The following INTS1 variants were observed in gnomAD, a reference collection of about 807,000 sequenced individuals.
INTS1 encodes the protein integrator complex subunit 1.
In INTS1, 137 loss-of-function variants were observed where a neutral mutation model predicts 241.6. The ratio of observed to expected loss-of-function variants is 0.57; its 90% CI spans 0.49 to 0.65. INTS1 has a LOEUF of 0.65. Among genes scored for constraint, INTS1 ranks in the 30% least tolerant of loss-of-function variants. INTS1 has a pLI of 0.00. For missense variants in INTS1, 3,073 were observed against 3,032.2 expected (o/e 1.01, Z -0.32); for synonymous variants, 1,692 against 1,337.8 (o/e 1.26, Z -5.78).
intron 45 of INTS1, 59 bp from the exon 46 acceptor site, chr7:1,471,283 C>T (rs1296371978): frequency 6.7e-7 from 1 of 1,497,774 alleles, no homozygotes; most frequent in Non-Finnish European, 9.1e-7. Context: ...ATCAAGGCCC[C>T]TTCACCTCTT....
intron 22 of INTS1, among the ~76,000 whole-genome samples, chr7:1,486,096 T>A (rs1782252478): frequency 6.6e-6 from 1 of 150,582 alleles, no homozygotes; most frequent in South Asian, 2.1e-4. Flanking sequence ...CTACCACACC[T>A]GGCTAATTTT....
intron 45 of INTS1, 133 bp downstream of exon 45, chr7:1,471,438 C>G: frequency 9.2e-7 from 1 of 1,090,568 alleles, no homozygotes; most frequent in Non-Finnish European, 1.3e-6. Flanking sequence ...TGGGCTGGGG[C>G]CCCCACCCGA....
intron 13 of INTS1, among the ~76,000 whole-genome samples, chr7:1,495,156 T>C (rs1782783196): frequency 1.3e-5 from 2 of 152,090 alleles, no homozygotes; most frequent in African/African-American, 4.8e-5. Flanking sequence ...AGCCCCAGCC[T>C]GGCAGCCCCA....
At chr7:1,488,117 G>C (rs993823540) in intron 18 of INTS1, among the ~76,000 whole-genome samples, 160 bp from the exon 19 acceptor site, 1 of 152,190 alleles carries the variant, frequency 6.6e-6, no homozygotes, top group South Asian at 2.1e-4. Flanking sequence ...CCATGGGGCT[G>C]TCAGAGCTGA....
intron 22 of INTS1, among the ~76,000 whole-genome samples, chr7:1,485,692 G>A (rs920900206): frequency 6.6e-6 from 1 of 152,258 alleles, no homozygotes; most frequent in African/African-American, 2.4e-5. Flanking sequence ...CCCGTCACCA[G>A]CAAGAAAGGA....
intron 26 of INTS1, chr7:1,482,931 T>G (rs1385149464): frequency 1.8e-6 from 1 of 569,668 alleles, no homozygotes; most frequent in Admixed American, 3.2e-5. Flanking sequence ...GCAGCATCAC[T>G]GCCATTTTGT....
intron 33 of INTS1, 82 bp from the exon 34 acceptor site, chr7:1,478,018 G>T (rs1471229602): frequency 7.8e-6 from 9 of 1,156,178 alleles, no homozygotes; most frequent in Admixed American, 1.8e-5. Context: ...GCCAGGGTGG[G>T]GTGTGGGGTG....
Position 1,485,355 on chromosome 7 carries a change from G to A in INTS1, c.3091C>T (p.Arg1031Trp), listed in dbSNP as rs765667210. 79 of 1,611,678 alleles carry A rather than the reference G, an allele frequency of 4.9e-5. No homozygotes were observed. The highest frequency in any genetic ancestry group is 6.4e-5 in the Non-Finnish European group (76 of 1,179,776). The change falls in exon 23 of 48, where the codon CGG (arginine) becomes TGG (tryptophan). Residue 1031 changes from arginine to tryptophan, a missense_variant. Arg to Trp is a moderately radical substitution (Grantham distance 101). Transcript: ENST00000404767. ...DVLQGYQWLL[R>W]DLPRLPLFDS... is the part of the protein sequence containing the mutation. ...AACAGAGGCAGGCGAGGCAGGTCCC[G>A]CAGCAGCCACTGATAGCCCTGCAGC...
Position 1,479,704 on chromosome 7 carries a change from T to G in INTS1, c.4075-20A>C. ...GAAAATCTGGAACGGGGAAGGCCAG[T>G]GTCAGGAGGAAGCGGAGGAGAAGGA... On this transcript the variant is annotated intron_variant, in intron 30 of 47. Coordinates refer to ENST00000404767, the MANE Select transcript of INTS1 (RefSeq NM_001080453.3). 1 of 1,453,260 alleles carries G rather than the reference T, an allele frequency of 6.9e-7. No homozygotes were observed. The highest frequency in any genetic ancestry group is 1.4e-5 in the South Asian group (1 of 69,686). The allele number at this position is 1,453,260 out of a possible 1,614,324, so 90.0% of individuals were successfully genotyped here.
intron 19 of INTS1, 93 bp downstream of exon 19, chr7:1,487,667 G>A: frequency 1.3e-6 from 2 of 1,489,990 alleles, no homozygotes; most frequent in Admixed American, 1.7e-5. Context: ...AGTGCGGTCG[G>A]CTCCGCCTGC....
intron 16 of INTS1, among the ~76,000 whole-genome samples, chr7:1,492,648 A>C (rs1782618122): frequency 6.6e-6 from 1 of 152,232 alleles, no homozygotes; most frequent in Non-Finnish European, 1.5e-5. Context: ...TAACGCACAC[A>C]CGTTAAACAC....
chr7:1,492,575 G>A (rs938998723), intron 16 of INTS1, among the ~76,000 whole-genome samples: 1 of 152,170 alleles, frequency 6.6e-6, no homozygotes, highest in Admixed American at 6.5e-5. Context: ...TAGATAACAC[G>A]TACATGAATT....
intron 22 of INTS1, among the ~76,000 whole-genome samples, chr7:1,485,953 C>T (rs554632192): frequency 6.6e-6 from 1 of 152,284 alleles, no homozygotes; most frequent in South Asian, 2.1e-4. Context: ...GCTGCCACAC[C>T]CAGCTCATTT....
At chr7:1,486,874 G>C (rs1160490175) in intron 21 of INTS1, 48 bp downstream of exon 21, 1 of 1,589,236 alleles carries the variant, frequency 6.3e-7, no homozygotes, top group Non-Finnish European at 8.5e-7. Context: ...TGCCCTGACA[G>C]GGGTGCGGGG....
intron 16 of INTS1, among the ~76,000 whole-genome samples, chr7:1,492,365 AT>A (rs1782598455): frequency 6.6e-6 from 1 of 152,118 alleles, no homozygotes; most frequent in Non-Finnish European, 1.5e-5. Context: ...GTAGGATGCC[AT>A]TTACAGAAAA....
Position 1,493,925 on chromosome 7 carries a change from G to T in INTS1, c.1911-14C>A. 1.3e-6 allele frequency: 2 copies of T among 1,552,352 alleles called. No homozygotes were observed. The highest frequency in any genetic ancestry group is 1.7e-6 in the Non-Finnish European group (2 of 1,147,548). The stretch of plus-strand genomic sequence containing the variant: ...CGCAGGAAGAAGCTGCGGGGTGGGG[G>T]AGGCATGACTCGGTGTGGGCTGCCC... On this transcript the variant is annotated splice_polypyrimidine_tract_variant and intron_variant, in intron 14 of 47. Transcript: ENST00000404767. The surrounding 1 kb of genome is among the most constrained non-coding windows in gnomAD (Gnocchi z 5.3).
chr7:1,477,628 G>T lies in INTS1; in HGVS notation c.4860C>A (p.Asp1620Glu). 6.3e-7 allele frequency: 1 copy of T among 1,587,474 alleles called. No homozygotes were observed. ...CCTCGGGGTCCAGCATTTCCAGCCA[G>T]TCCACTAGGAGGCCTGACGAGGGCC... ...RLGPSSGLLV[D>E]WLEMLDPEVV... The change falls in exon 35 of 48, where the codon GAC becomes GAA. Residue 1620 changes from aspartate (D) to glutamate (E), a missense_variant. Coordinates refer to ENST00000404767, the MANE Select transcript of INTS1 (RefSeq NM_001080453.3).
Position 1,493,201 on chromosome 7 carries a change from T to TG in INTS1, c.2069-96dup. 2.1e-5 allele frequency: 12 copies of TG among 578,976 alleles called. No individual in the cohort carries two copies. Among genetic ancestry groups the TG allele is most frequent in the East Asian group, 5.8e-5 (1 of 17,114 alleles). The allele number at this position is 578,976 out of a possible 1,614,324, so 35.9% of individuals were successfully genotyped here. ...CGGCCCTGCTCGGGCCGCGTCGGGG[T>TG]GGGGTGGGGGATGCCGCAGGGTGGG... On this transcript the variant is annotated intron_variant, in intron 15 of 47. Coordinates refer to ENST00000404767, the MANE Select transcript of INTS1 (RefSeq NM_001080453.3). This position sits in a 1 kb window ranked among gnomAD's most constrained non-coding sequence, Gnocchi z 5.3.
chr7:1,500,087 G>A (rs944550173), intron 4 of INTS1, 66 bp from the exon 5 acceptor site: 24 of 1,595,530 alleles, frequency 1.5e-5, no homozygotes, highest in African/African-American at 9.4e-5. Context: ...GGGGTGGGCC[G>A]GGAGGGACAC....
Sources: allele counts gnomAD v4.1 joint callset (sites outside exome capture counted in the v4.1 genomes callset), GRCh38; gene constraint gnomAD v4.1.1; non-coding constraint Gnocchi (gnomAD v3.1); transcripts MANE v1.5; gene names NCBI Gene and HGNC (gene_info 2026-07-23, HGNC 2026-07-21).